The following TMEM132C variants were observed in gnomAD, a reference collection of about 807,000 sequenced individuals.
TMEM132C encodes protein phosphatase 1, regulatory subunit 152.
In TMEM132C, 29 loss-of-function variants were observed where a neutral mutation model predicts 61.4. That is an observed-to-expected ratio of 0.47 (90% CI 0.35 to 0.64). The LOEUF (loss-of-function observed/expected upper bound fraction) is 0.64. Ranked by LOEUF, TMEM132C falls within the 30% of genes least tolerant of loss-of-function variation. TMEM132C has a pLI of 0.00. For missense variants in TMEM132C, 1,408 were observed against 1,476.9 expected, an observed-to-expected ratio of 0.95 and a Z score of 0.76; for synonymous variants, 656 against 633.1, an observed-to-expected ratio of 1.04 and a Z score of -0.54.
At chr12:128,387,293 A>T (rs1874617072) in intron 1 of TMEM132C, among the ~76,000 whole-genome samples, 1 of 152,190 alleles carries the variant, frequency 6.6e-6, no homozygotes, top group Non-Finnish European at 1.5e-5. Context: ...TACCTCTAGC[A>T]GGGATGCTGG....
At chr12:128,545,785 T>A (rs1873931128) in intron 3 of TMEM132C, among the ~76,000 whole-genome samples, 1 of 152,234 alleles carries the variant, frequency 6.6e-6, no homozygotes, top group Non-Finnish European at 1.5e-5. Flanking sequence ...AATGCAGCAA[T>A]AAACCACCTT....
In TMEM132C at chr12:128,706,078, G is replaced by C; in HGVS notation, c.3110G>C (p.Arg1037Thr). 1 of 1,551,650 alleles carries C rather than the reference G, an allele frequency of 6.4e-7. No homozygotes were observed. Among genetic ancestry groups the C allele is most frequent in the Non-Finnish European group, 8.7e-7 (1 of 1,146,956 alleles). Residue 1037 changes from arginine (R) to threonine (T), a missense_variant, in exon 9 of 9, where the codon AGA (arginine) becomes ACA (threonine). Coordinates refer to ENST00000435159, the MANE Select transcript of TMEM132C (RefSeq NM_001136103.3). ...GCCGACTCCGGGGGGCGGCAGGGCAGAGAACAGAAGCAGGACCCCCTGCAC... is the reference window on the plus strand; with the variant it reads ...GCCGACTCCGGGGGGCGGCAGGGCACAGAACAGAAGCAGGACCCCCTGCAC... ...RSADSGGRQG[R>T]EQKQDPLHSP...
chr12:128,669,380 T>G, intron 4 of TMEM132C, 37 bp from the exon 5 acceptor site: 1 of 1,548,396 alleles, frequency 6.5e-7, no homozygotes, highest in Non-Finnish European at 8.7e-7. Context: ...GAATGGAATA[T>G]CTCCCTTGAC....
At chr12:128,645,850 G>A (rs1260808843) in intron 4 of TMEM132C, among the ~76,000 whole-genome samples, 4 of 152,086 alleles carry the variant, frequency 2.6e-5, no homozygotes, top group African/African-American at 9.7e-5. Flanking sequence ...TGTGTCTACT[G>A]GAGTCCATCA....
At chr12:128,319,120 T>A (rs1025135758) in intron 1 of TMEM132C, among the ~76,000 whole-genome samples, 4 of 152,186 alleles carry the variant, frequency 2.6e-5, no homozygotes, top group Non-Finnish European at 5.9e-5. Context: ...CTGCTTAGGA[T>A]CTGGACTCTC....
At chr12:128,484,813 C>A (rs1871433604) in intron 2 of TMEM132C, among the ~76,000 whole-genome samples, 1 of 152,060 alleles carries the variant, frequency 6.6e-6, no homozygotes, top group Admixed American at 6.6e-5. Flanking sequence ...TAAAAACTAG[C>A]TAAACATGGT....
intron 3 of TMEM132C, among the ~76,000 whole-genome samples, chr12:128,569,208 G>A (rs1253941097): frequency 2.0e-5 from 3 of 152,200 alleles, no homozygotes; most frequent in Non-Finnish European, 2.9e-5. Flanking sequence ...GTTTGGGACC[G>A]AATTGGGAGT....
chr12:128,630,263 C>T lies in TMEM132C; in HGVS notation c.1305+13928C>T, dbSNP rs775876278. 6.6e-6 allele frequency among the ~76,000 whole-genome samples: 1 copy of T among 152,146 alleles called. No homozygotes were observed. The highest frequency in any genetic ancestry group is 1.5e-5 in the Non-Finnish European group (1 of 68,022). ...CACTGCCCTGGGTCCAGGGTTGCCA[C>T]ACTGACGGCCCATGAGGGTCACTAG... On this transcript the variant is annotated intron_variant, in intron 4 of 8. Transcript: ENST00000435159. The surrounding 1 kb of genome is among the most constrained non-coding windows in gnomAD (Gnocchi z 4.3).
chr12:128,486,721 G>A (rs1454920163), intron 2 of TMEM132C, among the ~76,000 whole-genome samples: 1 of 152,134 alleles, frequency 6.6e-6, no homozygotes, highest in Admixed American at 6.5e-5. Context: ...TAGCCTCTCA[G>A]CGCTTGGGCA....
At chr12:128,285,185 GA>G (rs1290853768) in intron 1 of TMEM132C, among the ~76,000 whole-genome samples, 1 of 152,158 alleles carries the variant, frequency 6.6e-6, no homozygotes, top group Middle Eastern at 3.2e-3. Context: ...GGGTGACTAT[GA>G]TGAACAACAA....
intron 1 of TMEM132C, among the ~76,000 whole-genome samples, chr12:128,368,591 G>A (rs888385900): frequency 6.6e-6 from 1 of 152,200 alleles, no homozygotes; most frequent in African/African-American, 2.4e-5. Flanking sequence ...TAGCAAAGGA[G>A]GGTGGGCATG....
chr12:128,360,990 C>T (rs974244535), intron 1 of TMEM132C, among the ~76,000 whole-genome samples: 4 of 152,192 alleles, frequency 2.6e-5, no homozygotes, highest in African/African-American at 7.2e-5. Flanking sequence ...GTCATGAGCT[C>T]CTACTATGTG....
At chr12:128,275,573 A>G (rs909469411) in intron 1 of TMEM132C, among the ~76,000 whole-genome samples, 4 of 152,142 alleles carry the variant, frequency 2.6e-5, no homozygotes, top group Non-Finnish European at 5.9e-5. Context: ...AAAATGCACA[A>G]TAAATGTAAT....
chr12:128,671,057 G>A (rs555350545), intron 5 of TMEM132C, among the ~76,000 whole-genome samples: 1 of 152,300 alleles, frequency 6.6e-6, no homozygotes, highest in African/African-American at 2.4e-5. Flanking sequence ...AAGAGTAGGG[G>A]TTGGCAAACC....
intron 4 of TMEM132C, among the ~76,000 whole-genome samples, chr12:128,652,571 G>T (rs1436925286): frequency 6.6e-6 from 1 of 152,248 alleles, no homozygotes; most frequent in Non-Finnish European, 1.5e-5. Flanking sequence ...ATTCACAGAA[G>T]ACAGAGGACA....
At chr12:128,289,506 C>T (rs1871190617) in intron 1 of TMEM132C, among the ~76,000 whole-genome samples, 1 of 152,138 alleles carries the variant, frequency 6.6e-6, no homozygotes, top group Admixed American at 6.5e-5. Context: ...AAGAACACGG[C>T]GTACCTGGTT....
At chr12:128,694,951 G>A (rs1954747713) in intron 6 of TMEM132C, among the ~76,000 whole-genome samples, 2 of 152,274 alleles carry the variant, frequency 1.3e-5, no homozygotes, top group African/African-American at 4.8e-5. Flanking sequence ...TAACCTCTCT[G>A]TGCCTTAGTT....
At chr12:128,669,622 G>C (rs915494449) in intron 5 of TMEM132C, 62 bp downstream of exon 5, 2 of 1,530,356 alleles carry the variant, frequency 1.3e-6, no homozygotes, top group African/African-American at 1.4e-5. Context: ...CATCCCGTTT[G>C]CTAGGGACAT....
At chr12:128,552,869 G>A (rs561641669) in intron 3 of TMEM132C, among the ~76,000 whole-genome samples, 4 of 152,176 alleles carry the variant, frequency 2.6e-5, no homozygotes, top group African/African-American at 7.2e-5. Context: ...GATCACACCA[G>A]TACACTCTAG....
Sources: allele counts gnomAD v4.1 joint callset (sites outside exome capture counted in the v4.1 genomes callset), GRCh38; gene constraint gnomAD v4.1.1; non-coding constraint Gnocchi (gnomAD v3.1); transcripts MANE v1.5; gene names NCBI Gene and HGNC (gene_info 2026-07-23, HGNC 2026-07-21).